Variants in STAT5B observed in about 807,000 individuals in gnomAD.
STAT5B encodes the protein transcription factor STAT5B.
STAT5B carries 21 observed loss-of-function variants against 107.8 expected under a neutral mutation model. That is an observed-to-expected ratio of 0.19 (90% CI 0.14 to 0.28). The LOEUF is 0.28. Among genes scored for constraint, STAT5B ranks in the 10% least tolerant of loss-of-function variants. The pLI is 1.00. For missense variants in STAT5B, 565 were observed against 1,008.2 expected (o/e 0.56, Z 5.95); for synonymous variants, 325 against 401.7 (o/e 0.81, Z 2.28).
chr17:42,238,104 AT>A (rs2080371145), intron 1 of STAT5B, among the ~76,000 whole-genome samples: 6 of 29,192 alleles, frequency 2.1e-4, no homozygotes, highest in Non-Finnish European at 6.0e-5. Context: ...CTATCCATCC[AT>A]CCATCCATCC....
At chr17:42,252,589 T>C (rs767272591) in intron 1 of STAT5B, among the ~76,000 whole-genome samples, 11 of 152,196 alleles carry the variant, frequency 7.2e-5, no homozygotes, top group Non-Finnish European at 1.3e-4. Flanking sequence ...GGATGGTAGG[T>C]CAGTTATTTC....
At chr17:42,204,465 G>T (rs1017475200) in intron 16 of STAT5B, among the ~76,000 whole-genome samples, 1 of 152,144 alleles carries the variant, frequency 6.6e-6, no homozygotes, top group Non-Finnish European at 1.5e-5. Flanking sequence ...AACGCTGCAG[G>T]GTTCACCAAT....
intron 1 of STAT5B, among the ~76,000 whole-genome samples, chr17:42,264,197 C>CT (rs969263865): frequency 1.3e-4 from 19 of 148,660 alleles, no homozygotes; most frequent in Middle Eastern, 3.5e-3. Flanking sequence ...TTGTACAAAT[C>CT]TTTTTTTTTT....
chr17:42,268,941 T>C (rs1165821373), intron 1 of STAT5B, among the ~76,000 whole-genome samples: 1 of 152,222 alleles, frequency 6.6e-6, no homozygotes, highest in African/African-American at 2.4e-5. Flanking sequence ...AGATCAAGTG[T>C]TCAAGTTTCT....
chr17:42,232,188 T>C, intron 1 of STAT5B, 51 bp from the exon 2 acceptor site: 1 of 1,596,866 alleles, frequency 6.3e-7, no homozygotes. Context: ...ATTTTCCCCT[T>C]ACATCCACCA....
chr17:42,239,620 C>T (rs2080386099), intron 1 of STAT5B, among the ~76,000 whole-genome samples: 1 of 152,132 alleles, frequency 6.6e-6, no homozygotes, highest in South Asian at 2.1e-4. Flanking sequence ...ACTCTTTATC[C>T]TAAATCCCTC....
At chr17:42,218,124 G>A (rs1488555934) in intron 9 of STAT5B, 27 bp downstream of exon 9, 3 of 1,609,968 alleles carry the variant, frequency 1.9e-6, no homozygotes, top group Admixed American at 1.7e-5. Flanking sequence ...ACAAGTAGCA[G>A]GGAATGAGAG....
intron 1 of STAT5B, among the ~76,000 whole-genome samples, chr17:42,264,617 T>G (rs2144408361): frequency 6.6e-6 from 1 of 152,282 alleles, no homozygotes; most frequent in South Asian, 2.1e-4. Flanking sequence ...TTGTTGGACA[T>G]CTGGGTTGGT....
chr17:42,276,694 A>G (rs534000635), upstream of STAT5B: 1 of 151,470 alleles, frequency 6.6e-6, no homozygotes, highest in Non-Finnish European at 1.5e-5. This position sits in a 1 kb window ranked among gnomAD's most constrained non-coding sequence, Gnocchi z 4.8. Context: ...CCGCAAGCAC[A>G]TGCTGCTTTG....
In STAT5B at chr17:42,276,371, G is replaced by A. The variant is rs2080766327; in HGVS notation, c.-134C>T. ...AGTTGCCTGCGCTGGGTCCCCGCCCGGGGTGACGGCTCCGGCCGCCGACTC... is the reference window on the plus strand; with the variant it reads ...AGTTGCCTGCGCTGGGTCCCCGCCCAGGGTGACGGCTCCGGCCGCCGACTC... On this transcript the variant is annotated 5_prime_UTR_variant, in exon 1 of 19. Transcript: ENST00000293328. The surrounding 1 kb of genome is among the most constrained non-coding windows in gnomAD (Gnocchi z 4.8). 1 of 146,954 alleles carries A rather than the reference G, an allele frequency of 6.8e-6. No individual in the cohort carries two copies. Among genetic ancestry groups the A allele is most frequent in the Admixed American group, 6.8e-5 (1 of 14,814 alleles). The allele number at this position is 146,954 out of a possible 1,614,324, so 9.1% of individuals were successfully genotyped here.
intron 3 of STAT5B, among the ~76,000 whole-genome samples, chr17:42,226,764 C>T (rs1250544389): frequency 6.3e-5 from 9 of 142,598 alleles, no homozygotes; most frequent in African/African-American, 1.1e-4. Flanking sequence ...GCCGAGACCG[C>T]GCCACTGCAC....
chr17:42,225,178 C>A (rs529826719), intron 3 of STAT5B, among the ~76,000 whole-genome samples: 1 of 152,206 alleles, frequency 6.6e-6, no homozygotes, highest in East Asian at 1.9e-4. Context: ...CCTTAGCCCC[C>A]CGAGTAGCTG....
chr17:42,211,834 T>G, intron 13 of STAT5B, 150 bp downstream of exon 13: 1 of 1,222,720 alleles, frequency 8.2e-7, no homozygotes, highest in Non-Finnish European at 1.2e-6. Flanking sequence ...CCTGGGTAAC[T>G]CTCAAGTTGT....
intron 18 of STAT5B, 147 bp from the exon 19 acceptor site, chr17:42,202,011 T>C: frequency 1.3e-6 from 1 of 757,756 alleles, no homozygotes; most frequent in South Asian, 1.7e-5. Context: ...TTCAAACAGC[T>C]GGCTGTACAG....
chr17:42,211,265 T>A (rs1005062479), intron 13 of STAT5B, among the ~76,000 whole-genome samples: 57 of 152,112 alleles, frequency 3.7e-4, no homozygotes, highest in East Asian at 1.2e-3. Flanking sequence ...CCCAGCACTT[T>A]GGGAGGCCGA....
intron 18 of STAT5B, 169 bp downstream of exon 18, chr17:42,202,171 T>C: frequency 5.2e-6 from 4 of 768,414 alleles, no homozygotes; most frequent in Non-Finnish European, 6.4e-6. Context: ...AAACCACCAA[T>C]CACTTCTGGT....
chr17:42,256,173 C>T (rs1224671379), intron 1 of STAT5B, among the ~76,000 whole-genome samples: 5 of 152,158 alleles, frequency 3.3e-5, no homozygotes, highest in Non-Finnish European at 5.9e-5. Flanking sequence ...AATAAACTCA[C>T]ATTTTTTCTA....
chr17:42,242,639 G>C (rs1449646700), intron 1 of STAT5B, among the ~76,000 whole-genome samples: 3 of 141,496 alleles, frequency 2.1e-5, no homozygotes, highest in Non-Finnish European at 3.0e-5. Flanking sequence ...TAGGTTAAAG[G>C]AGACTGAAGA....
the STAT5B span, among the ~76,000 whole-genome samples, chr17:42,286,273 G>T: frequency 2.7e-5 from 4 of 150,546 alleles, no homozygotes; most frequent in Non-Finnish European, 5.9e-5. Context: ...GGGGAAATGT[G>T]CAATGAAAGA....
Sources: allele counts gnomAD v4.1 joint callset (sites outside exome capture counted in the v4.1 genomes callset), GRCh38; gene constraint gnomAD v4.1.1; non-coding constraint Gnocchi (gnomAD v3.1); transcripts MANE v1.5; gene names NCBI Gene and HGNC (gene_info 2026-07-23, HGNC 2026-07-21).